The following ST6GAL2 variants were observed in gnomAD, a reference collection of about 807,000 sequenced individuals.
ST6GAL2 encodes the protein ST6 beta-galactoside alpha-2,6-sialyltransferase 2.
A neutral mutation model predicts 37.5 loss-of-function variants in ST6GAL2; 24 were observed. That is an observed-to-expected ratio of 0.64 (90% CI 0.46 to 0.90). The LOEUF (loss-of-function observed/expected upper bound fraction) is 0.90, where lower values mean the gene tolerates loss of function less well. Ranked by LOEUF, ST6GAL2 falls within the 40% of genes least tolerant of loss-of-function variation. The probability of loss-of-function intolerance (pLI) is 0.00; values close to 1 mark genes in which losing one functional copy is unlikely to be tolerated. For synonymous variants in ST6GAL2, 306 were observed against 295.1 expected (o/e 1.04, Z -0.38); for missense variants, 715 against 712.7 (o/e 1.00, Z -0.04).
chr2:106,886,599 C>T (rs1348942110), upstream of ST6GAL2: 1 of 151,826 alleles, frequency 6.6e-6, no homozygotes, highest in African/African-American at 2.4e-5. Flanking sequence ...ACCGCGGCCC[C>T]GAGCCCCGGG....
chr2:106,832,686 C>A lies in ST6GAL2; in HGVS notation c.1042-20G>T, dbSNP rs780931415. 4.7e-6 allele frequency: 7 copies of A among 1,487,428 alleles called. No individual in the cohort carries two copies. Among genetic ancestry groups the A allele is most frequent in the South Asian group, 4.5e-5 (4 of 88,556 alleles). 92.1% of individuals were successfully genotyped at this position (1,487,428 alleles called of 1,614,324 possible). A position where few individuals can be genotyped will look rare whatever the true frequency, so the allele number is the denominator to read the frequency against. On this transcript the variant is annotated intron_variant, in intron 3 of 5. Transcript: ENST00000409382. ...CAGAATCTGCAAACACACAGAAAAA[C>A]CATTTCAAAGCCAGGGTTTGGTTTT...
chr2:106,813,089 G>A (rs1675668636), intron 5 of ST6GAL2: 6 of 1,174,550 alleles, frequency 5.1e-6, no homozygotes, highest in Non-Finnish European at 4.2e-6. Flanking sequence ...TAAACAGTAT[G>A]AATGTTAAGT....
chr2:106,819,351 GA>G (rs143541793), intron 5 of ST6GAL2, among the ~76,000 whole-genome samples: 14,918 of 142,494 alleles, frequency 0.1, 1,023 homozygotes, highest in African/African-American at 0.16. Flanking sequence ...AGCAGCAAGA[GA>G]AAAAAAAAAC....
At chr2:106,835,821 G>A (rs1676612286) in intron 2 of ST6GAL2, among the ~76,000 whole-genome samples, 1 of 152,214 alleles carries the variant, frequency 6.6e-6, no homozygotes, top group Admixed American at 6.5e-5. Flanking sequence ...TGTAAATGAT[G>A]CCAAAATACA....
At chr2:106,884,310 C>T (rs894543280) in intron 1 of ST6GAL2, among the ~76,000 whole-genome samples, 1 of 152,216 alleles carries the variant, frequency 6.6e-6, no homozygotes, top group Non-Finnish European at 1.5e-5. Context: ...TAACTGCCCT[C>T]TTCTGCATAA....
chr2:106,830,192 G>T lies in ST6GAL2; in HGVS notation c.1192C>A (p.Arg398Ser). The T allele has an allele frequency of 6.2e-7, 1 of 1,613,740 alleles. No individual in the cohort carries two copies. Among genetic ancestry groups the T allele is most frequent in the Non-Finnish European group, 8.5e-7 (1 of 1,179,996 alleles). Reference protein sequence around the residue: ...YNLFTPYIQHRQRNPNQPFYI... With the variant: ...YNLFTPYIQHSQRNPNQPFYI... ...AATGGCTGATTTGGGTTTCTCTGAC[G>T]ATGCTGAATATATGGAGTGAACAGG... Residue 398 changes from arginine to serine, a missense_variant, in exon 5 of 6, where the codon CGT becomes AGT. Arg to Ser is a moderately radical substitution (Grantham distance 110). Around this residue, in one of 3 missense-constraint regions of ST6GAL2, gnomAD observed 198 missense variants for 203.6 expected, o/e 0.97. Coordinates refer to ENST00000409382, the MANE Select transcript of ST6GAL2 (RefSeq NM_001142351.2).
Position 106,806,795 on chromosome 2 carries a change from C to A in ST6GAL2, c.1473G>T (p.Leu491=), listed in dbSNP as rs1294189649. Residue 491 remains leucine (L), a synonymous_variant, in exon 6 of 6, where the codon CTG becomes CTT. Transcript: ENST00000409382. ...AYHPLLYEKL[L]VQRLNMGTQG... ...GCGTGCCCATGTTCAGGCGCTGCACCAGGAGCTTCTCATAGAGTAGTGGGT... is the reference window on the plus strand; with the variant it reads ...GCGTGCCCATGTTCAGGCGCTGCACAAGGAGCTTCTCATAGAGTAGTGGGT... The A allele has an allele frequency of 5.6e-6, 9 of 1,614,058 alleles. No individual in the cohort carries two copies. In the East Asian group the frequency reaches 2.0e-4, roughly 36 times the overall value.
intron 5 of ST6GAL2, among the ~76,000 whole-genome samples, chr2:106,829,719 C>T (rs561376788): frequency 8.5e-4 from 129 of 152,074 alleles, no homozygotes; most frequent in African/African-American, 2.9e-3. Context: ...ACCTTCCCTC[C>T]AAAGCCACCT....
In ST6GAL2 at chr2:106,875,261, C is replaced by T. The variant is rs187404102; in HGVS notation, c.-58+10832G>A. On this transcript the variant is annotated intron_variant, in intron 1 of 5. Coordinates refer to ENST00000409382, the MANE Select transcript of ST6GAL2 (RefSeq NM_001142351.2). ...TGTGATCTCAGCTCACTGCAACCTC[C>T]GCCTCCCAGGATCAAGCAATGCCCC... Among the ~76,000 whole-genome samples, 316 of 151,626 alleles carry T rather than the reference C, an allele frequency of 2.1e-3. 2 individuals are homozygous for T. The highest frequency in any genetic ancestry group is 0.011 in the South Asian group (52 of 4,802).
Position 106,843,659 on chromosome 2 carries a change from C to T in ST6GAL2, c.319G>A (p.Glu107Lys), listed in dbSNP as rs749819990. 5 of 1,613,554 alleles carry T rather than the reference C, an allele frequency of 3.1e-6. No homozygotes were observed. Among genetic ancestry groups the T allele is most frequent in the Non-Finnish European group, 2.5e-6 (3 of 1,180,022 alleles). ...QKWAQSQDGFEHKEFFSSQVG... is the reference protein window; with the variant it reads ...QKWAQSQDGFKHKEFFSSQVG... Reference sequence around the variant, plus strand: ...TGGGATGAAAAAAACTCTTTATGTTCAAACCCATCTTGGGACTGGGCCCAT... The same window carrying T: ...TGGGATGAAAAAAACTCTTTATGTTTAAACCCATCTTGGGACTGGGCCCAT... The change falls in exon 2 of 6, where the codon GAA (glutamate) becomes AAA (lysine). Residue 107 changes from glutamate to lysine, a missense_variant. Glu to Lys is a moderately conservative substitution (Grantham distance 56). Around this residue, in one of 3 missense-constraint regions of ST6GAL2, gnomAD observed 512 missense variants for 488.8 expected, o/e 1.05. Coordinates refer to ENST00000409382, the MANE Select transcript of ST6GAL2 (RefSeq NM_001142351.2).
At chr2:106,850,775 G>A (rs962265975) in intron 1 of ST6GAL2, among the ~76,000 whole-genome samples, 2 of 152,182 alleles carry the variant, frequency 1.3e-5, no homozygotes, top group South Asian at 4.1e-4. Context: ...GGCTAAGCAA[G>A]AGAAAACACA....
At chr2:106,813,828 A>G (rs1313058938) in intron 5 of ST6GAL2, among the ~76,000 whole-genome samples, 2 of 152,226 alleles carry the variant, frequency 1.3e-5, no homozygotes, top group East Asian at 3.8e-4. Flanking sequence ...GCAGTTTCTA[A>G]GAGTCACCAA....
chr2:106,808,453 G>A (rs1229768737), intron 5 of ST6GAL2, among the ~76,000 whole-genome samples: 2 of 152,226 alleles, frequency 1.3e-5, no homozygotes, highest in Admixed American at 6.5e-5. Flanking sequence ...GCTCTCAAGA[G>A]CGATGGTCAG....
intron 1 of ST6GAL2, among the ~76,000 whole-genome samples, chr2:106,867,399 GT>G (rs1678076490): frequency 6.6e-6 from 1 of 152,050 alleles, no homozygotes; most frequent in East Asian, 1.9e-4. Context: ...TTTTTCTTAA[GT>G]TTTTCCCCTT....
At chr2:106,884,905 G>GTATA (rs1678898768) in intron 1 of ST6GAL2, among the ~76,000 whole-genome samples, 1 of 32,942 alleles carries the variant, frequency 3.0e-5, no homozygotes, top group Non-Finnish European at 5.3e-5. Context: ...AATTTGCAGC[G>GTATA]CATATATATA....
At chr2:106,836,818 A>C (rs945196756) in intron 2 of ST6GAL2, among the ~76,000 whole-genome samples, 1 of 148,906 alleles carries the variant, frequency 6.7e-6, no homozygotes, top group Non-Finnish European at 1.5e-5. Context: ...GTGGTGGTGC[A>C]TGCCTGTAAT....
chr2:106,827,720 C>CGGTGACT (rs1676262257), intron 5 of ST6GAL2, among the ~76,000 whole-genome samples: 1 of 152,020 alleles, frequency 6.6e-6, no homozygotes, highest in Admixed American at 6.5e-5. Flanking sequence ...CAGGAGCACA[C>CGGTGACT]GGTGACTCAG....
chr2:106,864,568 G>A (rs1489369017), intron 1 of ST6GAL2, among the ~76,000 whole-genome samples: 8 of 152,152 alleles, frequency 5.3e-5, no homozygotes, highest in African/African-American at 1.9e-4. Context: ...CAAATACCTG[G>A]ATTCAGATAC....
chr2:106,852,138 T>A (rs955496687), intron 1 of ST6GAL2, among the ~76,000 whole-genome samples: 8 of 152,208 alleles, frequency 5.3e-5, no homozygotes, highest in Admixed American at 2.6e-4. Context: ...ATCCCTCTAG[T>A]TTCTGCCCAT....
Sources: gnomAD v4.1 joint callset for allele counts (sites outside exome capture counted in the v4.1 genomes callset) on GRCh38, gnomAD v4.1.1 for gene constraint, gnomAD v4.1.1 regional missense constraint, MANE v1.5 for transcripts, NCBI Gene and HGNC (gene_info 2026-07-23, HGNC 2026-07-21) for gene names.